Variants in INPP4B observed in about 807,000 individuals in gnomAD.
INPP4B encodes inositol polyphosphate-4-phosphatase type II B.
A neutral mutation model predicts 122.5 loss-of-function variants in INPP4B; 55 were observed. That is an observed-to-expected ratio of 0.45 (90% CI 0.36 to 0.56). The LOEUF (loss-of-function observed/expected upper bound fraction) is 0.56, where lower values mean the gene tolerates loss of function less well. Among genes scored for constraint, INPP4B ranks in the 20% least tolerant of loss-of-function variants. The pLI is 0.00. For synonymous variants in INPP4B, 403 were observed against 388.7 expected, an observed-to-expected ratio of 1.04 and a Z score of -0.43; for missense variants, 1,000 against 1,097.7, an observed-to-expected ratio of 0.91 and a Z score of 1.26.
intron 1 of INPP4B, among the ~76,000 whole-genome samples, chr4:142,762,166 T>C (rs1771440474): frequency 6.6e-6 from 1 of 152,116 alleles, no homozygotes; most frequent in African/African-American, 2.4e-5. Flanking sequence ...TACATGTCTG[T>C]GTTAAGTGCC....
chr4:142,384,481 C>T (rs1795267448), intron 7 of INPP4B, among the ~76,000 whole-genome samples: 2 of 152,022 alleles, frequency 1.3e-5, no homozygotes, highest in South Asian at 4.1e-4. Flanking sequence ...ATACTGCAGG[C>T]AATTGTAACA....
chr4:142,548,537 C>A (rs1283446305), intron 2 of INPP4B, among the ~76,000 whole-genome samples: 2 of 152,088 alleles, frequency 1.3e-5, no homozygotes, highest in Non-Finnish European at 2.9e-5. Context: ...GCCTCCATAA[C>A]AACTCACCTA....
chr4:142,345,508 G>A (rs1780010385), intron 7 of INPP4B, among the ~76,000 whole-genome samples: 1 of 151,940 alleles, frequency 6.6e-6, no homozygotes, highest in Admixed American at 6.6e-5. Context: ...TGGTTAAATG[G>A]GTGTAGTTAT....
intron 1 of INPP4B, among the ~76,000 whole-genome samples, chr4:142,775,523 C>A (rs1488424769): frequency 7.0e-6 from 1 of 143,606 alleles, no homozygotes; most frequent in African/African-American, 2.6e-5. Flanking sequence ...CCCCTCCCCA[C>A]CCCTCCCCTA....
chr4:142,715,162 T>C (rs1179297905), intron 2 of INPP4B, among the ~76,000 whole-genome samples: 1 of 151,992 alleles, frequency 6.6e-6, no homozygotes, highest in South Asian at 2.1e-4. Flanking sequence ...ATTTTCATCA[T>C]TGAATCCTAG....
chr4:142,048,088 A>T (rs1262971582), intron 25 of INPP4B, among the ~76,000 whole-genome samples: 1 of 152,126 alleles, frequency 6.6e-6, no homozygotes, highest in African/African-American at 2.4e-5. Context: ...CACTCCTGTG[A>T]GGTAGGTACA....
intron 14 of INPP4B, among the ~76,000 whole-genome samples, chr4:142,194,501 A>C (rs1171374934): frequency 6.6e-6 from 1 of 152,164 alleles, no homozygotes; most frequent in African/African-American, 2.4e-5. Flanking sequence ...GGCTCAAAAG[A>C]TCACCCCAAA....
chr4:142,163,264 TTC>T (rs1392631055), intron 16 of INPP4B, among the ~76,000 whole-genome samples: 3 of 151,950 alleles, frequency 2.0e-5, no homozygotes, highest in African/African-American at 4.8e-5. Flanking sequence ...TGTGCAGCTG[TTC>T]TGAGTCAAGT....
intron 18 of INPP4B, among the ~76,000 whole-genome samples, chr4:142,142,336 T>G (rs773860282): frequency 1.3e-5 from 2 of 152,068 alleles, no homozygotes; most frequent in Non-Finnish European, 2.9e-5. Context: ...AGGAAATAAG[T>G]GAAAATATTT....
chr4:142,402,939 G>T lies in INPP4B; in HGVS notation c.371C>A (p.Thr124Asn), dbSNP rs1363305720. The change falls in exon 7 of 26, where the codon ACC becomes AAC. Residue 124 changes from threonine to asparagine, a missense_variant and splice_region_variant. Transcript: ENST00000262992. ...VYDVKDKSHD[T>N]VRTSVLPEHK... ...AAAGAAAGAAGTACCAGTACTTACG[G>T]TGTCATGAGACTTATCCTTGACATC... 1.3e-5 allele frequency: 18 copies of T among 1,392,838 alleles called. No individual in the cohort carries two copies. Among genetic ancestry groups the T allele is most frequent in the Non-Finnish European group, 1.8e-5 (18 of 977,478 alleles). The allele number at this position is 1,392,838 out of a possible 1,614,324, so 86.3% of individuals were successfully genotyped here. A position where few individuals can be genotyped will look rare whatever the true frequency, so the allele number is the denominator to read the frequency against.
intron 7 of INPP4B, among the ~76,000 whole-genome samples, chr4:142,330,557 G>GCA (rs147805476): frequency 1.3e-5 from 2 of 151,748 alleles, no homozygotes; most frequent in Admixed American, 6.6e-5. Flanking sequence ...ACACGCGCAC[G>GCA]CACACACACA....
chr4:142,061,883 CACATATATATATATATATATATATATAT>C (rs1329609791), intron 25 of INPP4B, among the ~76,000 whole-genome samples: 1,148 of 11,666 alleles, frequency 0.098, 37 homozygotes, highest in African/African-American at 0.14. Flanking sequence ...CACACACACA[CACATATATATATATATATATATATATAT>C]ATATATATAT....
rs898474837 is a variant in INPP4B at position 142,186,420 on chromosome 4, T to C, written c.1181+6667A>G. The stretch of plus-strand genomic sequence containing the variant: ...ATTCAAATCTACACTGGGAGCGGAG[T>C]CTATGAATTGTCTGAGATGAAAGTT... On this transcript the variant is annotated intron_variant, in intron 15 of 25. Coordinates refer to ENST00000262992, the MANE Select transcript of INPP4B (RefSeq NM_001101669.3). Among the ~76,000 whole-genome samples, 4 of 151,910 alleles carry C rather than the reference T, an allele frequency of 2.6e-5. No individual in the cohort carries two copies. The South Asian group carries it at 8.3e-4, about 32-fold the overall frequency.
At chr4:142,269,010 A>T (rs1171333848) in intron 10 of INPP4B, among the ~76,000 whole-genome samples, 4 of 152,162 alleles carry the variant, frequency 2.6e-5, no homozygotes, top group Non-Finnish European at 5.9e-5. Flanking sequence ...CCTATAAAAT[A>T]GCCTTAATAC....
At chr4:142,163,889 C>T (rs776233301) in intron 16 of INPP4B, among the ~76,000 whole-genome samples, 1 of 151,568 alleles carries the variant, frequency 6.6e-6, no homozygotes, top group Non-Finnish European at 1.5e-5. Context: ...TCTCATTTAG[C>T]GTGAACTACA....
intron 2 of INPP4B, among the ~76,000 whole-genome samples, chr4:142,643,396 A>G (rs1474581396): frequency 6.6e-6 from 1 of 152,190 alleles, no homozygotes; most frequent in East Asian, 1.9e-4. Context: ...GTAAAACTAT[A>G]AAGAAAAACA....
At chr4:142,405,476 C>A in intron 5 of INPP4B, 152 bp from the exon 6 acceptor site, 1 of 610,204 alleles carries the variant, frequency 1.6e-6, no homozygotes, top group Non-Finnish European at 2.9e-6. Flanking sequence ...CTTGGAAGTA[C>A]CTTACAGAAA....
At chr4:142,425,295 C>T (rs1298106638) in intron 5 of INPP4B, 4 of 151,976 alleles carry the variant, frequency 2.6e-5, no homozygotes, top group Admixed American at 6.6e-5. Flanking sequence ...GGGGACAATA[C>T]AAGAAGTATG....
chr4:142,399,189 C>CTTTTTTTTTTT (rs70949166), intron 7 of INPP4B, among the ~76,000 whole-genome samples: 6 of 56,988 alleles, frequency 1.1e-4, no homozygotes, highest in African/African-American at 3.5e-4. Flanking sequence ...TTTCCTTTTG[C>CTTTTTTTTTTT]TTTTTTTTTT....
Sources: allele counts gnomAD v4.1 joint callset (sites outside exome capture counted in the v4.1 genomes callset), GRCh38; gene constraint gnomAD v4.1.1; transcripts MANE v1.5; gene names NCBI Gene and HGNC (gene_info 2026-07-23, HGNC 2026-07-21).